PFKFB3: variants seen among roughly 807,000 people sequenced by gnomAD.
The protein encoded by PFKFB3 is 6-phosphofructo-2-kinase/fructose-2,6-biphosphatase 3, also known as 6-phosphofructo-2-kinase/fructose-2,6-bisphosphatase 3.
PFKFB3 carries 33 observed loss-of-function variants against 68.0 expected under a neutral mutation model. The observed-to-expected ratio is 0.49, with a 90% CI of 0.37 to 0.65. The LOEUF is 0.65. Among genes scored for constraint, PFKFB3 ranks in the 30% least tolerant of loss-of-function variants. The probability of loss-of-function intolerance (pLI) is 0.00; values close to 1 mark genes in which losing one functional copy is unlikely to be tolerated. For missense variants in PFKFB3, 586 were observed against 712.2 expected, an observed-to-expected ratio of 0.82 and a Z score of 2.02; for synonymous variants, 315 against 288.2, an observed-to-expected ratio of 1.09 and a Z score of -0.94.
chr10:6,145,065 G>A (rs921024302), intron 1 of PFKFB3: 19 of 1,288,788 alleles, frequency 1.5e-5, no homozygotes, highest in Non-Finnish European at 1.9e-5. Flanking sequence ...GGGGACCTGA[G>A]CGGCCGCCTG....
At chr10:6,217,721 A>G (rs895058542) in intron 6 of PFKFB3, among the ~76,000 whole-genome samples, 1 of 152,140 alleles carries the variant, frequency 6.6e-6, no homozygotes, top group Non-Finnish European at 1.5e-5. Context: ...GCCCAGATAA[A>G]TTGAGGGCAC....
intron 14 of PFKFB3, chr10:6,245,877 G>A (rs1846245948): frequency 6.6e-6 from 1 of 152,218 alleles, no homozygotes. Context: ...TGGAAAGAGT[G>A]AGAAGGCAAA....
the PFKFB3 span, among the ~76,000 whole-genome samples, chr10:6,307,725 C>G: frequency 2.6e-5 from 4 of 152,214 alleles, no homozygotes; most frequent in African/African-American, 9.6e-5. Context: ...TGATGAAAAT[C>G]CTTGCAGATG....
At chr10:6,223,875 C>T (rs1845137805) in intron 11 of PFKFB3, 83 bp from the exon 12 acceptor site, 6 of 1,269,632 alleles carry the variant, frequency 4.7e-6, no homozygotes, top group Non-Finnish European at 6.9e-6. Flanking sequence ...CCTCGGCCTC[C>T]CAAAGTGCTG....
chr10:6,177,975 A>G (rs917372794), intron 1 of PFKFB3, among the ~76,000 whole-genome samples: 4 of 152,168 alleles, frequency 2.6e-5, no homozygotes, highest in African/African-American at 9.7e-5. Flanking sequence ...CCTGAGGTGC[A>G]CACGTGAGGG....
chr10:6,248,499 C>T (rs926867525), intron 14 of PFKFB3, among the ~76,000 whole-genome samples: 8 of 151,644 alleles, frequency 5.3e-5, no homozygotes, highest in African/African-American at 9.7e-5. Flanking sequence ...TGTGGTGGCA[C>T]GTGTCTATAA....
the PFKFB3 span, among the ~76,000 whole-genome samples, chr10:6,321,911 C>T: frequency 1.3e-5 from 2 of 152,234 alleles, no homozygotes; most frequent in Admixed American, 6.5e-5. Context: ...GGTTTCTAAA[C>T]AGACATTCCC....
At position 6,215,809 on chromosome 10, in the gene PFKFB3, G is replaced by GACAGGCCCCACC. The variant is rs1338156746; in HGVS notation, c.300-316_300-315insACAGGCCCCACC. Among the ~76,000 whole-genome samples, 2 of 152,194 alleles carry GACAGGCCCCACC rather than the reference G, an allele frequency of 1.3e-5. No individual in the cohort carries two copies. Among genetic ancestry groups the GACAGGCCCCACC allele is most frequent in the Non-Finnish European group, 1.5e-5 (1 of 68,030 alleles). ...CCTGGGGGATGCTAAAATCCCTGAT[G>GACAGGCCCCACC]CCAGGCCCCACCCCAGACCAGTTAG... On this transcript the variant is annotated intron_variant, in intron 3 of 14. Transcript: ENST00000379775. This position sits in a 1 kb window ranked among gnomAD's most constrained non-coding sequence, Gnocchi z 4.3.
chr10:6,153,751 A>T (rs1841675358), intron 1 of PFKFB3, among the ~76,000 whole-genome samples: 1 of 151,894 alleles, frequency 6.6e-6, no homozygotes, highest in Non-Finnish European at 1.5e-5. Flanking sequence ...GCTACTCAGG[A>T]GGCTGAGGCA....
chr10:6,191,778 G>A (rs981404434), intron 1 of PFKFB3, among the ~76,000 whole-genome samples: 17 of 152,240 alleles, frequency 1.1e-4, no homozygotes, highest in Admixed American at 6.5e-4. Flanking sequence ...TCTGGTTTCT[G>A]TTCACAGGAG....
Position 6,229,334 on chromosome 10 carries a change from G to A in PFKFB3, c.1515+2969G>A, listed in dbSNP as rs552863180. Reference sequence around the variant, plus strand: ...GGTTGAGGGGCTGAGTGACCGGCCCGTGCTTCCAGCAGGTGAGCCGCAGAG... The same window carrying A: ...GGTTGAGGGGCTGAGTGACCGGCCCATGCTTCCAGCAGGTGAGCCGCAGAG... On this transcript the variant is annotated intron_variant, in intron 14 of 14. Transcript: ENST00000379775. This position sits in a 1 kb window ranked among gnomAD's most constrained non-coding sequence, Gnocchi z 4.3. Among the ~76,000 whole-genome samples, 50 of 152,310 alleles carry A rather than the reference G, an allele frequency of 3.3e-4. No individual in the cohort carries two copies. The highest frequency in any genetic ancestry group is 2.3e-3 in the South Asian group (11 of 4,832).
the PFKFB3 span, among the ~76,000 whole-genome samples, chr10:6,276,039 A>G: frequency 6.6e-6 from 1 of 152,146 alleles, no homozygotes; most frequent in African/African-American, 2.4e-5. Flanking sequence ...TATTTGACAA[A>G]TAGACTGCGT....
chr10:6,292,266 CTTTTTTTTTTTCTT>C, the PFKFB3 span, among the ~76,000 whole-genome samples: 20 of 107,282 alleles, frequency 1.9e-4, no homozygotes, highest in African/African-American at 5.0e-4. Flanking sequence ...AACCAGTGTA[CTTTTTTTTTTTCTT>C]TTTTTTTTTT....
chr10:6,323,757 G>C, the PFKFB3 span, among the ~76,000 whole-genome samples: 1 of 152,288 alleles, frequency 6.6e-6, no homozygotes, highest in African/African-American at 2.4e-5. Context: ...CCAGAAAAGA[G>C]CATGTATTGG....
rs1663186448 is a variant in PFKFB3, at chr10:6,226,170, CTT to C, written c.1342-19_1342-18del. On this transcript the variant is annotated intron_variant, in intron 13 of 14. Coordinates refer to ENST00000379775, the MANE Select transcript of PFKFB3 (RefSeq NM_004566.4). ...TTCTTTGTAACTGTCGCCTTTCTCT[CTT>C]TTGTCTTTGTCTTGCTTAGGATGCA... The C allele has an allele frequency of 6.5e-7, 1 of 1,543,492 alleles. No individual in the cohort carries two copies.
intron 1 of PFKFB3, among the ~76,000 whole-genome samples, chr10:6,185,911 AT>A (rs1842856931): frequency 6.6e-6 from 1 of 152,084 alleles, no homozygotes; most frequent in African/African-American, 2.4e-5. Flanking sequence ...AAGTGCTGGG[AT>A]TACAGGCATG....
chr10:6,233,769 A>C lies in PFKFB3; in HGVS notation c.*827A>C, dbSNP rs1286547111. On this transcript the variant is annotated 3_prime_UTR_variant, in exon 15 of 15. Coordinates refer to ENST00000379775, the MANE Select transcript of PFKFB3 (RefSeq NM_004566.4). ...GCTTTTGCACTTTTTTGATGGCAGA[A>C]GTGTGACCTGAGAGTCCCACCTTCT... 2.0e-5 allele frequency: 3 copies of C among 152,888 alleles called. No individual in the cohort carries two copies. The highest frequency in any genetic ancestry group is 7.2e-5 in the African/African-American group (3 of 41,482). 9.5% of individuals were successfully genotyped at this position (152,888 alleles called of 1,614,324 possible). A position where few individuals can be genotyped will look rare whatever the true frequency, so the allele number is the denominator to read the frequency against.
At chr10:6,158,150 G>A (rs376895832) in intron 1 of PFKFB3, among the ~76,000 whole-genome samples, 1,670 of 152,018 alleles carry the variant, frequency 0.011, 66 homozygotes, top group East Asian at 0.099. Context: ...TTAGCCGGGC[G>A]TGGTGGCGGG....
rs1554842912 is a variant in PFKFB3, at chr10:6,177,393, T to TTTCTTTCTTTCTTTC, written c.16+32389_16+32403dup. Among the ~76,000 whole-genome samples, 156 of 141,798 alleles carry TTTCTTTCTTTCTTTC rather than the reference T, an allele frequency of 1.1e-3. 2 individuals carry two copies. The highest frequency in any genetic ancestry group is 3.7e-3 in the Middle Eastern group (1 of 268). The allele number at this position is 141,798 out of a possible 152,430, so 93.0% of individuals were successfully genotyped here. A position where few individuals can be genotyped will look rare whatever the true frequency, so the allele number is the denominator to read the frequency against. On this transcript the variant is annotated intron_variant, in intron 1 of 14. Transcript: ENST00000379789. The stretch of plus-strand genomic sequence containing the variant: ...CTTTCTTTCTTTCTTTCTTTCTTTC[T>TTTCTTTCTTTCTTTC]TTCTTTCTTTCTTTCTTCTTTCTCT...
Sources: gnomAD v4.1 joint callset for allele counts (sites outside exome capture counted in the v4.1 genomes callset) on GRCh38, gnomAD v4.1.1 for gene constraint, Gnocchi (gnomAD v3.1) non-coding constraint, MANE v1.5 for transcripts, NCBI Gene and HGNC (gene_info 2026-07-23, HGNC 2026-07-21) for gene names.